The following NKAIN3 variants were observed in gnomAD, a reference collection of about 807,000 sequenced individuals.
NKAIN3 encodes sodium/potassium transporting ATPase interacting 3.
A neutral mutation model predicts 30.2 loss-of-function variants in NKAIN3; 25 were observed. That is an observed-to-expected ratio of 0.83 (90% confidence interval 0.60 to 1.16). NKAIN3 has a LOEUF of 1.16. Ranked by LOEUF, NKAIN3 falls within the 50% of genes most tolerant of loss-of-function variation. NKAIN3 has a pLI of 0.00. For synonymous variants in NKAIN3, 91 were observed against 89.6 expected, an observed-to-expected ratio of 1.02 and a Z score of -0.09; for missense variants, 225 against 254.1, an observed-to-expected ratio of 0.89 and a Z score of 0.78.
chr8:62,518,137 G>T (rs1808050281), intron 1 of NKAIN3, among the ~76,000 whole-genome samples: 1 of 152,118 alleles, frequency 6.6e-6, no homozygotes, highest in African/African-American at 2.4e-5. Flanking sequence ...AAGGTGGGAG[G>T]ATCACTTGAG....
chr8:62,365,914 C>T (rs1411505473), intron 1 of NKAIN3, among the ~76,000 whole-genome samples: 1 of 152,008 alleles, frequency 6.6e-6, no homozygotes, highest in African/African-American at 2.4e-5. Flanking sequence ...ATACTGGCCT[C>T]CTAAAGTAAA....
intron 1 of NKAIN3, among the ~76,000 whole-genome samples, chr8:62,323,277 A>G (rs560621283): frequency 1.1e-4 from 17 of 152,340 alleles, no homozygotes; most frequent in Non-Finnish European, 2.2e-4. Flanking sequence ...TAGAAGCAAC[A>G]AAGATGTCCT....
At chr8:62,611,560 G>A (rs1811290911) in intron 3 of NKAIN3, among the ~76,000 whole-genome samples, 1 of 151,966 alleles carries the variant, frequency 6.6e-6, no homozygotes, top group East Asian at 1.9e-4. Flanking sequence ...TCTGTGCCTG[G>A]CTTATTTCCC....
At chr8:62,499,362 G>C (rs1485203216) in intron 1 of NKAIN3, among the ~76,000 whole-genome samples, 1 of 151,896 alleles carries the variant, frequency 6.6e-6, no homozygotes. Flanking sequence ...GTATTAGAGA[G>C]GTCTTTCACT....
intron 4 of NKAIN3, among the ~76,000 whole-genome samples, chr8:62,878,856 G>C (rs1184676566): frequency 1.3e-5 from 2 of 151,990 alleles, no homozygotes; most frequent in African/African-American, 2.4e-5. Context: ...ATTTTTTATG[G>C]CTGCATAGTA....
chr8:62,738,548 C>A (rs1164902584), intron 3 of NKAIN3, among the ~76,000 whole-genome samples: 2 of 144,194 alleles, frequency 1.4e-5, no homozygotes, highest in African/African-American at 2.6e-5. Flanking sequence ...GCAGTGAGCC[C>A]AGTTCATGCC....
chr8:62,872,984 T>A (rs1210025961), intron 4 of NKAIN3, among the ~76,000 whole-genome samples: 1 of 152,152 alleles, frequency 6.6e-6, no homozygotes, highest in East Asian at 1.9e-4. Flanking sequence ...AATAGCATCA[T>A]AATGACAGGA....
At chr8:62,459,223 T>C (rs563738243) in intron 1 of NKAIN3, among the ~76,000 whole-genome samples, 59 of 152,278 alleles carry the variant, frequency 3.9e-4, no homozygotes, top group Admixed American at 9.2e-4. Context: ...TCAGCCTGGC[T>C]TGGCAACTTT....
At chr8:62,808,847 C>A (rs897835445) in intron 4 of NKAIN3, among the ~76,000 whole-genome samples, 1 of 152,144 alleles carries the variant, frequency 6.6e-6, no homozygotes, top group South Asian at 2.1e-4. Context: ...TCAGGAGACA[C>A]GGTTTGAGAG....
chr8:62,776,612 G>A (rs1244840162), intron 4 of NKAIN3, among the ~76,000 whole-genome samples: 3 of 152,036 alleles, frequency 2.0e-5, no homozygotes, highest in Admixed American at 6.6e-5. Flanking sequence ...TCTTGCCCCT[G>A]CTTTTAAAGT....
chr8:62,463,392 T>G (rs1806057386), intron 1 of NKAIN3, among the ~76,000 whole-genome samples: 1 of 152,202 alleles, frequency 6.6e-6, no homozygotes, highest in Non-Finnish European at 1.5e-5. Flanking sequence ...AAATCCCTAG[T>G]ATGTTCTACA....
At chr8:62,427,880 A>G (rs757498110) in intron 1 of NKAIN3, among the ~76,000 whole-genome samples, 4 of 151,968 alleles carry the variant, frequency 2.6e-5, no homozygotes, top group African/African-American at 4.8e-5. Context: ...ATGTTAAAAT[A>G]TACAATAAAT....
At chr8:62,959,723 G>A (rs544543143) in intron 6 of NKAIN3, among the ~76,000 whole-genome samples, 5 of 152,210 alleles carry the variant, frequency 3.3e-5, no homozygotes, top group African/African-American at 9.6e-5. Flanking sequence ...ACTGTGATCC[G>A]CTCCTATCAG....
intron 1 of NKAIN3, among the ~76,000 whole-genome samples, chr8:62,370,039 G>C (rs542223347): frequency 6.6e-6 from 1 of 152,126 alleles, no homozygotes; most frequent in East Asian, 1.9e-4. Flanking sequence ...CAGTTCCTTA[G>C]TGTGATGAAG....
At chr8:62,646,777 G>A (rs777635852) in intron 3 of NKAIN3, among the ~76,000 whole-genome samples, 1 of 152,098 alleles carries the variant, frequency 6.6e-6, no homozygotes, top group Non-Finnish European at 1.5e-5. Context: ...AACATGTAAA[G>A]TAACAGTATC....
chr8:62,453,504 C>T (rs980881679), intron 1 of NKAIN3, among the ~76,000 whole-genome samples: 1 of 151,838 alleles, frequency 6.6e-6, no homozygotes, highest in Non-Finnish European at 1.5e-5. Context: ...CCAGGTCTAA[C>T]AGAAGACAAG....
chr8:62,805,684 A>T (rs1389204184), intron 4 of NKAIN3, among the ~76,000 whole-genome samples: 2 of 152,234 alleles, frequency 1.3e-5, no homozygotes, highest in Non-Finnish European at 2.9e-5. Flanking sequence ...TGTTAGACCT[A>T]AAACCATAAA....
At chr8:62,606,997 T>A (rs1445817979) in intron 3 of NKAIN3, among the ~76,000 whole-genome samples, 1 of 152,148 alleles carries the variant, frequency 6.6e-6, no homozygotes, top group African/African-American at 2.4e-5. Context: ...AGGCTACTGA[T>A]CCCTGAAATC....
At chr8:62,659,989 C>G (rs1194603865) in intron 3 of NKAIN3, among the ~76,000 whole-genome samples, 1 of 152,142 alleles carries the variant, frequency 6.6e-6, no homozygotes, top group African/African-American at 2.4e-5. Context: ...TCCATTAAAC[C>G]TCTTTCTTTT....
Sources: allele counts gnomAD v4.1 joint callset (sites outside exome capture counted in the v4.1 genomes callset), GRCh38; gene constraint gnomAD v4.1.1; transcripts MANE v1.5; gene names NCBI Gene and HGNC (gene_info 2026-07-23, HGNC 2026-07-21).